MACROD2: variants seen among roughly 807,000 people sequenced by gnomAD.
MACROD2 encodes ADP-ribose glycohydrolase MACROD2.
A neutral mutation model predicts 70.4 loss-of-function variants in MACROD2; 36 were observed. The observed-to-expected ratio is 0.51, with a 90% CI of 0.39 to 0.68. The LOEUF is 0.68. Ranked by LOEUF, MACROD2 falls within the 30% of genes least tolerant of loss-of-function variation. The probability of loss-of-function intolerance (pLI) is 0.00; values close to 1 mark genes in which losing one functional copy is unlikely to be tolerated. For missense variants in MACROD2, 496 were observed against 538.4 expected, an observed-to-expected ratio of 0.92 and a Z score of 0.78; for synonymous variants, 172 against 178.8, an observed-to-expected ratio of 0.96 and a Z score of 0.30.
In MACROD2 at chr20:16,018,439, TTCTC is replaced by T. The variant is rs1336065025; in HGVS notation, c.1154-22752_1154-22749del. Among the ~76,000 whole-genome samples, 3 of 151,884 alleles carry T rather than the reference TTCTC, an allele frequency of 2.0e-5. No individual in the cohort carries two copies. The East Asian group carries it at 5.8e-4, about 30-fold the overall frequency. On this transcript the variant is annotated intron_variant, in intron 15 of 17. Coordinates refer to ENST00000684519, the MANE Select transcript of MACROD2 (RefSeq NM_001351661.2). ...ATAGTAGCTGTTTCAATGTTCCCCA[TTCTC>T]TCTCTCTCTTTTTTGCTTTTCTTCT...
chr20:14,698,456 A>C (rs1044063783), intron 5 of MACROD2, among the ~76,000 whole-genome samples: 3 of 152,162 alleles, frequency 2.0e-5, no homozygotes, highest in Non-Finnish European at 2.9e-5. Context: ...CCAAGTGAAC[A>C]CTGAACATGG....
At chr20:14,550,306 C>T (rs1187550344) in intron 4 of MACROD2, among the ~76,000 whole-genome samples, 1 of 152,070 alleles carries the variant, frequency 6.6e-6, no homozygotes, top group Admixed American at 6.6e-5. Flanking sequence ...CCTTCCTTCC[C>T]TTCCCTGTCT....
chr20:14,213,361 CAAAAAA>C (rs60009822), intron 3 of MACROD2, among the ~76,000 whole-genome samples: 11 of 30,262 alleles, frequency 3.6e-4, no homozygotes, highest in African/African-American at 1.1e-3. Flanking sequence ...CTTCTAGTGG[CAAAAAA>C]AAAAAAAAAA....
At chr20:15,928,242 G>C (rs1380235485) in intron 10 of MACROD2, among the ~76,000 whole-genome samples, 5 of 152,152 alleles carry the variant, frequency 3.3e-5, no homozygotes, top group Non-Finnish European at 7.4e-5. Context: ...GGAAAAAAAA[G>C]TTCTTGTCCT....
chr20:15,803,225 C>G (rs2063741482), intron 8 of MACROD2, among the ~76,000 whole-genome samples: 1 of 151,974 alleles, frequency 6.6e-6, no homozygotes, highest in African/African-American at 2.4e-5. Flanking sequence ...AAATACAGGC[C>G]AATATCCCTG....
At chr20:15,036,242 C>T (rs2075312084) in intron 5 of MACROD2, among the ~76,000 whole-genome samples, 1 of 152,222 alleles carries the variant, frequency 6.6e-6, no homozygotes, top group Non-Finnish European at 1.5e-5. Context: ...TTGGTGCTAT[C>T]TCTGGAAAGA....
intron 4 of MACROD2, among the ~76,000 whole-genome samples, chr20:14,590,867 G>T (rs1305869107): frequency 2.0e-5 from 3 of 152,030 alleles, no homozygotes; most frequent in Non-Finnish European, 4.4e-5. Context: ...TCAGGTAAAT[G>T]GTGGATGATT....
At chr20:15,141,881 A>G (rs1048197572) in intron 5 of MACROD2, among the ~76,000 whole-genome samples, 1 of 152,154 alleles carries the variant, frequency 6.6e-6, no homozygotes, top group African/African-American at 2.4e-5. Flanking sequence ...TCCCTTTTGC[A>G]TCATCTCTGC....
intron 8 of MACROD2, among the ~76,000 whole-genome samples, chr20:15,582,587 G>A (rs751725328): frequency 4.7e-4 from 72 of 152,260 alleles, no homozygotes; most frequent in African/African-American, 1.0e-3. Flanking sequence ...AAGTCCCTCC[G>A]CACGACTCAT....
intron 3 of MACROD2, among the ~76,000 whole-genome samples, chr20:14,465,229 T>A (rs889518538): frequency 6.6e-6 from 1 of 152,126 alleles, no homozygotes; most frequent in Admixed American, 6.5e-5. Context: ...CTGTATTGGG[T>A]ACATATATAT....
chr20:15,867,741 G>A (rs2064514139), intron 9 of MACROD2, among the ~76,000 whole-genome samples: 1 of 152,028 alleles, frequency 6.6e-6, no homozygotes, highest in Admixed American at 6.6e-5. Flanking sequence ...AGAACTGAAG[G>A]ATATTAATTT....
chr20:14,359,014 T>A (rs546041362), intron 3 of MACROD2, among the ~76,000 whole-genome samples: 1 of 152,050 alleles, frequency 6.6e-6, no homozygotes, highest in South Asian at 2.1e-4. Context: ...TAATGGGACC[T>A]CATCTCTACA....
rs922898935 is a variant in MACROD2, at chr20:14,896,063, G to A, written c.418+211104G>A. Among the ~76,000 whole-genome samples the A allele has an allele frequency of 1.7e-4, 26 of 152,292 alleles. 2 individuals carry two copies. Among genetic ancestry groups the A allele is most frequent in the Middle Eastern group, 6.8e-3 (2 of 294 alleles). ...TATAATCCCAGCACTTTGGGAGGCC[G>A]AGGCGGGCAGATCACGAGGCCAGGA... On this transcript the variant is annotated intron_variant, in intron 5 of 17. Transcript: ENST00000684519.
intron 4 of MACROD2, among the ~76,000 whole-genome samples, chr20:14,545,943 G>A (rs779639579): frequency 8.5e-5 from 13 of 152,144 alleles, no homozygotes; most frequent in African/African-American, 1.4e-4. Flanking sequence ...ACAAAGATGG[G>A]ATTGCATTGA....
At chr20:14,453,933 T>C in intron 3 of MACROD2, among the ~76,000 whole-genome samples, 1 of 151,872 alleles carries the variant, frequency 6.6e-6, no homozygotes, top group Non-Finnish European at 1.5e-5. Context: ...TTTTCATACC[T>C]TAATTTATTT....
intron 6 of MACROD2, among the ~76,000 whole-genome samples, chr20:15,374,597 G>C (rs2045537787): frequency 6.6e-6 from 1 of 152,078 alleles, no homozygotes; most frequent in Non-Finnish European, 1.5e-5. Context: ...TGTGTTTTAA[G>C]ATTGTACAGA....
At position 14,776,351 on chromosome 20, in the gene MACROD2, A is replaced by G. The variant is rs1489584198; in HGVS notation, c.418+91392A>G. On this transcript the variant is annotated intron_variant, in intron 5 of 17. Coordinates refer to ENST00000684519, the MANE Select transcript of MACROD2 (RefSeq NM_001351661.2). ...TTAATATGTTGAAACTTCAGTTTCCACCCTTGCAAAATGAAAGTTATATTG... is the reference window on the plus strand; with the variant it reads ...TTAATATGTTGAAACTTCAGTTTCCGCCCTTGCAAAATGAAAGTTATATTG... Among the ~76,000 whole-genome samples, 3 of 152,012 alleles carry G rather than the reference A, an allele frequency of 2.0e-5. No homozygotes were observed. In the East Asian group the frequency reaches 5.8e-4, roughly 29 times the overall value.
At chr20:14,682,600 G>A (rs115440471) in intron 4 of MACROD2, among the ~76,000 whole-genome samples, 135 of 152,016 alleles carry the variant, frequency 8.9e-4, no homozygotes, top group African/African-American at 3.0e-3. Context: ...CTTTTCATTT[G>A]AAGGACTCTG....
At chr20:15,854,396 G>A (rs1165161814) in intron 8 of MACROD2, among the ~76,000 whole-genome samples, 1 of 152,088 alleles carries the variant, frequency 6.6e-6, no homozygotes, top group Admixed American at 6.6e-5. Flanking sequence ...CAGGAAAATG[G>A]TGACCTCAGT....
Sources: gnomAD v4.1 joint callset for allele counts (sites outside exome capture counted in the v4.1 genomes callset) on GRCh38, gnomAD v4.1.1 for gene constraint, MANE v1.5 for transcripts, NCBI Gene and HGNC (gene_info 2026-07-23, HGNC 2026-07-21) for gene names.